The following FBXO43 variants were observed in gnomAD, a reference collection of about 807,000 sequenced individuals.
FBXO43 encodes the protein F-box protein 43, also known as F-box only protein 43.
A neutral mutation model predicts 56.7 loss-of-function variants in FBXO43; 22 were observed. The observed-to-expected ratio is 0.39, with a 90% CI of 0.28 to 0.55. FBXO43 has a LOEUF of 0.55. Among genes scored for constraint, FBXO43 ranks in the 20% least tolerant of loss-of-function variants. The pLI, the probability that FBXO43 is intolerant of heterozygous loss-of-function variation, is 0.66. For synonymous variants in FBXO43, 306 were observed against 294.5 expected, an observed-to-expected ratio of 1.04 and a Z score of -0.40; for missense variants, 733 against 814.9, an observed-to-expected ratio of 0.90 and a Z score of 1.22.
intron 3 of FBXO43, 158 bp downstream of exon 3, chr8:100,137,407 G>A: frequency 1.8e-6 from 1 of 566,206 alleles, no homozygotes; most frequent in South Asian, 2.2e-5. Flanking sequence ...TACAGACTGG[G>A]TGAAAATTGA....
Position 100,145,224 on chromosome 8 carries a change from G to A in FBXO43, c.-89C>T. The A allele has an allele frequency of 3.9e-6, 4 of 1,024,368 alleles. No homozygotes were observed. Among genetic ancestry groups the A allele is most frequent in the Non-Finnish European group, 5.7e-6 (4 of 702,278 alleles). 63.5% of individuals were successfully genotyped at this position (1,024,368 alleles called of 1,614,324 possible). A position where few individuals can be genotyped will look rare whatever the true frequency, so the allele number is the denominator to read the frequency against. On this transcript the variant is annotated 5_prime_UTR_variant, in exon 1 of 5. Transcript: ENST00000428847. ...GCATCATGATTGCTCAAAGTCGAAG[G>A]GTACACAGGGTGCATGCCGCAGGGA...
chr8:100,150,125 G>T (rs1814891898), upstream of FBXO43, among the ~76,000 whole-genome samples: 1 of 152,226 alleles, frequency 6.6e-6, no homozygotes, highest in African/African-American at 2.4e-5. Context: ...CGGATTGGGC[G>T]AGGGATGTGA....
At chr8:100,139,006 A>G (rs1027450883) in intron 2 of FBXO43, among the ~76,000 whole-genome samples, 2 of 152,198 alleles carry the variant, frequency 1.3e-5, no homozygotes, top group African/African-American at 4.8e-5. Context: ...AGATACACCA[A>G]ATACATTCTT....
rs1814395187 is a variant in FBXO43 at position 100,134,176 on chromosome 8, C to A, written c.1863G>T (p.Gln621His). ...SSSVTHLSSK[Q>H]EEYVKVAKTL... Reference sequence around the variant, plus strand: ...AAATACTTACCTTAACATATTCTTCCTGTTTACTACTTAAGTGAGTAACAG... The same window carrying A: ...AAATACTTACCTTAACATATTCTTCATGTTTACTACTTAAGTGAGTAACAG... Residue 621 changes from glutamine to histidine, a missense_variant, in exon 4 of 5, where the codon CAG becomes CAT. Gln to His is a conservative substitution (Grantham distance 24). Transcript: ENST00000428847. 1 of 1,613,446 alleles carries A rather than the reference C, an allele frequency of 6.2e-7. No individual in the cohort carries two copies. The highest frequency in any genetic ancestry group is 8.5e-7 in the Non-Finnish European group (1 of 1,179,720).
intron 1 of FBXO43, among the ~76,000 whole-genome samples, chr8:100,144,008 G>C (rs1338487782): frequency 6.6e-6 from 1 of 152,188 alleles, no homozygotes; most frequent in East Asian, 1.9e-4. Flanking sequence ...CTGACCTCAG[G>C]TGATCCACCC....
At position 100,142,304 on chromosome 8, in the gene FBXO43, A is replaced by AG. The variant is rs1357781363; in HGVS notation, c.86-137_86-136insC. ...ATTTTTGAAAAGTTACTTTAAAAAA[A>AG]CAATTCTACCCCATAAGAAACTGAT... is the stretch of plus-strand genomic sequence containing the variant. On this transcript the variant is annotated intron_variant, in intron 1 of 4. Transcript: ENST00000428847. 7.3e-6 allele frequency: 6 copies of AG among 818,100 alleles called. No individual in the cohort carries two copies. In the African/African-American group the frequency reaches 1.1e-4, roughly 14 times the overall value. 50.7% of individuals were successfully genotyped at this position (818,100 alleles called of 1,614,324 possible).
Position 100,133,640 on chromosome 8 carries a change from A to G in FBXO43, c.*162T>C. 1 of 825,940 alleles carries G rather than the reference A, an allele frequency of 1.2e-6. No homozygotes were observed. Among genetic ancestry groups the G allele is most frequent in the South Asian group, 3.4e-5 (1 of 29,566 alleles). The allele number at this position is 825,940 out of a possible 1,614,324, so 51.2% of individuals were successfully genotyped here. On this transcript the variant is annotated 3_prime_UTR_variant, in exon 5 of 5. Coordinates refer to ENST00000428847, the MANE Select transcript of FBXO43 (RefSeq NM_001029860.4). Reference sequence around the variant, plus strand: ...TAGTAAAATAAAATTTTTTCAAAACAACTTTAAAGAAAACATACAATGACA... The same window carrying G: ...TAGTAAAATAAAATTTTTTCAAAACGACTTTAAAGAAAACATACAATGACA...
chr8:100,136,432 G>C (rs1814473326), intron 3 of FBXO43, among the ~76,000 whole-genome samples: 1 of 152,186 alleles, frequency 6.6e-6, no homozygotes, highest in Non-Finnish European at 1.5e-5. Flanking sequence ...TGAACTCTCA[G>C]AATCTTTTTT....
chr8:100,146,064 A>G (rs780756950), upstream of FBXO43, among the ~76,000 whole-genome samples: 1 of 152,242 alleles, frequency 6.6e-6, no homozygotes, highest in African/African-American at 2.4e-5. Context: ...CGTGGCCTAC[A>G]GTGGGATGCC....
chr8:100,134,147 T>C lies in FBXO43; in HGVS notation c.1878+14A>G, dbSNP rs750408336. ...TATTTATTTCTAATAACTTATGACATAATAAATACTTACCTTAACATATTC... is the reference window on the plus strand; with the variant it reads ...TATTTATTTCTAATAACTTATGACACAATAAATACTTACCTTAACATATTC... On this transcript the variant is annotated intron_variant, in intron 4 of 4. Coordinates refer to ENST00000428847, the MANE Select transcript of FBXO43 (RefSeq NM_001029860.4). 7 of 1,608,794 alleles carry C rather than the reference T, an allele frequency of 4.4e-6. No homozygotes were observed. The highest frequency in any genetic ancestry group is 1.1e-5 in the South Asian group (1 of 90,516).
intron 2 of FBXO43, among the ~76,000 whole-genome samples, chr8:100,138,769 G>A (rs1166311943): frequency 2.0e-5 from 3 of 152,142 alleles, no homozygotes; most frequent in African/African-American, 7.2e-5. Flanking sequence ...TGGTCACAGC[G>A]GCTCACACCT....
In FBXO43 at chr8:100,140,805, T is replaced by C. The variant is rs2132132691; in HGVS notation, c.1449A>G (p.Ala483=). ...TACCCATTTTCTTGCCGATCAGTCC[T>C]GCAAGTATACACTGCAGTACAGCTA... ...EKIAVLQCIL[A]GLIGKKMGIE... The change falls in exon 2 of 5, where the codon GCA becomes GCG. Residue 483 remains alanine, a synonymous_variant. Coordinates refer to ENST00000428847, the MANE Select transcript of FBXO43 (RefSeq NM_001029860.4). The C allele has an allele frequency of 6.2e-7, 1 of 1,614,240 alleles. No individual in the cohort carries two copies. The highest frequency in any genetic ancestry group is 1.3e-5 in the African/African-American group (1 of 75,082).
intron 3 of FBXO43, 89 bp from the exon 4 acceptor site, chr8:100,134,453 A>C: frequency 2.5e-6 from 3 of 1,181,330 alleles, no homozygotes; most frequent in Non-Finnish European, 3.7e-6. Context: ...TATGCTTTGA[A>C]GAGGTTTTTT....
At chr8:100,148,704 T>TACCTG, upstream of FBXO43, among the ~76,000 whole-genome samples, 1 of 152,172 alleles carries the variant, frequency 6.6e-6, no homozygotes, top group Non-Finnish European at 1.5e-5. Flanking sequence ...TGAGCCACGG[T>TACCTG]GCCCAGCCCT....
At chr8:100,143,591 A>G (rs897045565) in intron 1 of FBXO43, among the ~76,000 whole-genome samples, 16 of 152,224 alleles carry the variant, frequency 1.1e-4, no homozygotes, top group African/African-American at 3.9e-4. Flanking sequence ...AGATTTATCA[A>G]ATTGCTTTTT....
chr8:100,139,004 CA>C (rs1363496963), intron 2 of FBXO43, among the ~76,000 whole-genome samples: 1 of 152,134 alleles, frequency 6.6e-6, no homozygotes, highest in Non-Finnish European at 1.5e-5. Flanking sequence ...TAAGATACAC[CA>C]AATACATTCT....
At chr8:100,144,880 C>G (rs936619211) in intron 1 of FBXO43, 171 bp downstream of exon 1, 4 of 637,180 alleles carry the variant, frequency 6.3e-6, no homozygotes, top group Non-Finnish European at 9.4e-6. Flanking sequence ...TGCAGTGAGC[C>G]GAGATCGCGC....
At chr8:100,142,249 G>T in intron 1 of FBXO43, 81 bp from the exon 2 acceptor site, 2 of 1,228,220 alleles carry the variant, frequency 1.6e-6, no homozygotes, top group Non-Finnish European at 2.2e-6. Context: ...TTTGTTATGA[G>T]TACAGATAAT....
chr8:100,138,960 A>G (rs1188163505), intron 2 of FBXO43, among the ~76,000 whole-genome samples: 1 of 152,222 alleles, frequency 6.6e-6, no homozygotes, highest in Non-Finnish European at 1.5e-5. Flanking sequence ...AAAGGCACAC[A>G]ATATGGGTGC....
Sources: gnomAD v4.1 joint callset for allele counts (sites outside exome capture counted in the v4.1 genomes callset) on GRCh38, gnomAD v4.1.1 for gene constraint, MANE v1.5 for transcripts, NCBI Gene and HGNC (gene_info 2026-07-23, HGNC 2026-07-21) for gene names.